FOXN3: variants seen among roughly 807,000 people sequenced by gnomAD.
The protein encoded by FOXN3 is forkhead box N3.
A neutral mutation model predicts 38.4 loss-of-function variants in FOXN3; 7 were observed. The ratio of observed to expected loss-of-function variants is 0.18; its 90% CI spans 0.10 to 0.34. The LOEUF is 0.34. FOXN3 is among the 10% of genes least tolerant of loss of function. FOXN3 has a pLI of 1.00. For synonymous variants in FOXN3, 230 were observed against 242.2 expected (o/e 0.95, Z 0.47); for missense variants, 456 against 613.4 (o/e 0.74, Z 2.71).
upstream of FOXN3, chr14:89,417,488 C>T (rs1325628997): frequency 1.3e-5 from 2 of 151,338 alleles, no homozygotes; most frequent in African/African-American, 4.9e-5. Flanking sequence ...CGGCGCGGGT[C>T]CCGCGACCCA....
chr14:89,480,198 C>T (rs975528596), intron 1 of FOXN3, among the ~76,000 whole-genome samples: 29 of 151,988 alleles, frequency 1.9e-4, no homozygotes, highest in Non-Finnish European at 3.5e-4. Flanking sequence ...GTCAGCAGAT[C>T]GAGACCATCC....
intron 1 of FOXN3, among the ~76,000 whole-genome samples, chr14:89,442,482 C>A (rs191701801): frequency 1.3e-5 from 2 of 152,174 alleles, no homozygotes; most frequent in Non-Finnish European, 2.9e-5. Context: ...CTGCACCCAG[C>A]GCTGCCACTG....
intron 3 of FOXN3, among the ~76,000 whole-genome samples, chr14:89,320,939 T>A (rs1887877811): frequency 6.6e-6 from 1 of 152,264 alleles, no homozygotes; most frequent in Middle Eastern, 3.4e-3. Flanking sequence ...ATGAACTGTT[T>A]ATATGCGGGG....
At chr14:89,581,063 T>C (rs1596323971) in intron 1 of FOXN3, among the ~76,000 whole-genome samples, 1 of 151,426 alleles carries the variant, frequency 6.6e-6, no homozygotes, top group Non-Finnish European at 1.5e-5. Context: ...GTGCCTGTAG[T>C]CCCAGTTACT....
At chr14:89,257,927 A>G (rs1467496516) in intron 4 of FOXN3, among the ~76,000 whole-genome samples, 1 of 152,150 alleles carries the variant, frequency 6.6e-6, no homozygotes, top group Non-Finnish European at 1.5e-5. Flanking sequence ...TCCTCAGAAG[A>G]CAATGGTGTG....
chr14:89,269,261 CGGTGACCATGA>C (rs920824911), intron 4 of FOXN3, among the ~76,000 whole-genome samples: 3 of 151,858 alleles, frequency 2.0e-5, no homozygotes, highest in African/African-American at 7.3e-5. Flanking sequence ...GTGTATGCTG[CGGTGACCATGA>C]GGTAGGGAGA....
In FOXN3 at chr14:89,584,397, T is replaced by C. The variant is rs553429341; in HGVS notation, c.-15+34631A>G. Among the ~76,000 whole-genome samples the C allele has an allele frequency of 1.3e-3, 193 of 152,122 alleles. 1 individual carries two copies. The highest frequency in any genetic ancestry group is 4.5e-3 in the African/African-American group (186 of 41,524). On this transcript the variant is annotated intron_variant, in intron 1 of 6. Coordinates refer to the FOXN3 transcript ENST00000345097. ...GCCTGGGCGACCCAGGGAAACTCCA[T>C]CTTGATAAATAAATAATAAATAAAT...
rs539308849 is a variant in FOXN3 at position 89,386,240 on chromosome 14, T to C, written c.543+25694A>G. ...AAAATTATTTTTTAATTGCTTCCTG[T>C]GCACAGAGCACTTGCTAAGTGCCAC... On this transcript the variant is annotated intron_variant, in intron 2 of 5. Coordinates refer to ENST00000557258, the MANE Select transcript of FOXN3 (RefSeq NM_005197.4). 6.6e-5 allele frequency among the ~76,000 whole-genome samples: 10 copies of C among 152,230 alleles called. No homozygotes were observed. The East Asian group carries it at 1.3e-3, about 21-fold the overall frequency.
intron 1 of FOXN3, among the ~76,000 whole-genome samples, chr14:89,433,271 C>G (rs573283842): frequency 2.0e-5 from 3 of 152,142 alleles, no homozygotes; most frequent in Non-Finnish European, 2.9e-5. Flanking sequence ...ATCACAACGT[C>G]AGGAGTTCAA....
intron 3 of FOXN3, among the ~76,000 whole-genome samples, chr14:89,312,778 A>C (rs577488067): frequency 1.3e-5 from 2 of 152,262 alleles, no homozygotes; most frequent in Admixed American, 6.5e-5. Context: ...AACTGCATTT[A>C]TGTACTTAGC....
intron 1 of FOXN3, among the ~76,000 whole-genome samples, chr14:89,431,371 C>A (rs565018206): frequency 6.6e-6 from 1 of 152,094 alleles, no homozygotes; most frequent in Non-Finnish European, 1.5e-5. Context: ...CCACCACACC[C>A]GGCTAATTTT....
chr14:89,426,471 C>G (rs1892031379), intron 1 of FOXN3, among the ~76,000 whole-genome samples: 1 of 152,020 alleles, frequency 6.6e-6, no homozygotes, highest in South Asian at 2.1e-4. Flanking sequence ...AGGTGACCCA[C>G]CCGCCTCGGC....
rs750351493 is a variant in FOXN3, at chr14:89,461,336, C to CAA, written c.-14-48848_-14-48847dup. On this transcript the variant is annotated intron_variant, in intron 1 of 6. Coordinates refer to the FOXN3 transcript ENST00000345097. The stretch of plus-strand genomic sequence containing the variant: ...CAGGCGACAGAGTGAGGCTCTGTCT[C>CAA]AAAAAAAAAAAAAAATCTCTCAGTC... Among the ~76,000 whole-genome samples the CAA allele has an allele frequency of 5.8e-4, 75 of 129,046 alleles. 2 individuals carry two copies. The highest frequency in any genetic ancestry group is 2.0e-3 in the African/African-American group (71 of 35,316). 84.7% of individuals were successfully genotyped at this position (129,046 alleles called of 152,430 possible). A position where few individuals can be genotyped will look rare whatever the true frequency, so the allele number is the denominator to read the frequency against.
rs151239125 is a variant in FOXN3 at position 89,465,333 on chromosome 14, G to A, written c.-14-52843C>T. On this transcript the variant is annotated intron_variant, in intron 1 of 6. Transcript: ENST00000345097. ...CAACCTCCGCCTCCCAGGTTCAAGC[G>A]ATTCTCCTGCCTCAGCCTCCCAAGT... 7.4e-3 allele frequency among the ~76,000 whole-genome samples: 1,131 copies of A among 152,164 alleles called. 17 individuals are homozygous for A. The highest frequency in any genetic ancestry group is 0.065 in the East Asian group (335 of 5,164).
intron 1 of FOXN3, among the ~76,000 whole-genome samples, chr14:89,444,332 C>T (rs1254365578): frequency 7.6e-6 from 1 of 131,474 alleles, no homozygotes; most frequent in African/African-American, 2.6e-5. Flanking sequence ...TTATATTTTC[C>T]TCTGTATCCC....
At chr14:89,563,142 A>C (rs1895283704) in intron 1 of FOXN3, among the ~76,000 whole-genome samples, 1 of 152,242 alleles carries the variant, frequency 6.6e-6, no homozygotes, top group Non-Finnish European at 1.5e-5. Context: ...AAGAATTGAC[A>C]ATGCAGATGT....
At chr14:89,339,754 C>T (rs1239016741) in intron 3 of FOXN3, among the ~76,000 whole-genome samples, 2 of 152,206 alleles carry the variant, frequency 1.3e-5, no homozygotes, top group Non-Finnish European at 2.9e-5. Flanking sequence ...GTGACAGAGC[C>T]GCTGTGCCCA....
chr14:89,615,686 A>C (rs747827495), intron 1 of FOXN3, among the ~76,000 whole-genome samples: 2 of 152,242 alleles, frequency 1.3e-5, no homozygotes, highest in African/African-American at 2.4e-5. Flanking sequence ...CCCTACAGGA[A>C]ATCCTTGCTA....
intron 3 of FOXN3, among the ~76,000 whole-genome samples, chr14:89,302,518 C>T (rs1012944834): frequency 6.6e-6 from 1 of 152,084 alleles, no homozygotes; most frequent in African/African-American, 2.4e-5. Flanking sequence ...AAACATAACC[C>T]GAAAAACCTT....
Sources: gnomAD v4.1 joint callset for allele counts (sites outside exome capture counted in the v4.1 genomes callset) on GRCh38, gnomAD v4.1.1 for gene constraint, MANE v1.5 for transcripts, NCBI Gene and HGNC (gene_info 2026-07-23, HGNC 2026-07-21) for gene names.